The following PLD5 variants were observed in gnomAD, a reference collection of about 807,000 sequenced individuals.
PLD5 encodes the protein inactive phospholipase D5.
In PLD5, 36 loss-of-function variants were observed where a neutral mutation model predicts 61.1. The observed-to-expected ratio is 0.59, with a 90% CI of 0.45 to 0.78. The LOEUF (loss-of-function observed/expected upper bound fraction) is 0.78, where lower values mean the gene tolerates loss of function less well. Ranked by LOEUF, PLD5 falls within the 30% of genes least tolerant of loss-of-function variation. The probability of loss-of-function intolerance (pLI) is 0.00; values close to 1 mark genes in which losing one functional copy is unlikely to be tolerated. For missense variants in PLD5, 515 were observed against 644.4 expected (o/e 0.80, Z 2.17); for synonymous variants, 243 against 242.8 (o/e 1.00, Z -0.01).
chr1:242,312,471 C>G (rs983639229), intron 2 of PLD5, among the ~76,000 whole-genome samples: 1 of 152,038 alleles, frequency 6.6e-6, no homozygotes, highest in African/African-American at 2.4e-5. Context: ...AATAGTCTCG[C>G]CTTTGCTTCT....
intron 4 of PLD5, among the ~76,000 whole-genome samples, chr1:242,259,514 G>C (rs1673267451): frequency 6.6e-6 from 1 of 152,044 alleles, no homozygotes; most frequent in Non-Finnish European, 1.5e-5. Flanking sequence ...TAAATAATAA[G>C]AATGAGACTG....
intron 5 of PLD5, among the ~76,000 whole-genome samples, chr1:242,152,562 G>A (rs1665015203): frequency 6.6e-6 from 1 of 151,166 alleles, no homozygotes; most frequent in Non-Finnish European, 1.5e-5. Context: ...GTGTCCATGT[G>A]TTCTCATTGT....
chr1:242,315,161 AT>A (rs1558456535), intron 2 of PLD5, among the ~76,000 whole-genome samples: 1 of 152,156 alleles, frequency 6.6e-6, no homozygotes, highest in Non-Finnish European at 1.5e-5. Flanking sequence ...GCAGTGGGGA[AT>A]TTATGCTGTC....
intron 5 of PLD5, among the ~76,000 whole-genome samples, chr1:242,174,826 A>G (rs1197145758): frequency 6.6e-6 from 1 of 151,922 alleles, no homozygotes; most frequent in Admixed American, 6.6e-5. Context: ...GCATGTTCTC[A>G]CTCATAGGTG....
At chr1:242,297,709 G>A (rs1306978975) in intron 2 of PLD5, among the ~76,000 whole-genome samples, 2 of 143,566 alleles carry the variant, frequency 1.4e-5, no homozygotes, top group Admixed American at 7.1e-5. Flanking sequence ...GCGCAATCTC[G>A]GCTCACTGCA....
rs186690771 is a variant in PLD5, at chr1:242,239,434, C to G, written c.608-19319G>C. Among the ~76,000 whole-genome samples, 287 of 152,270 alleles carry G rather than the reference C, an allele frequency of 1.9e-3. 3 individuals carry two copies. Among genetic ancestry groups the G allele is most frequent in the Non-Finnish European group, 1.6e-3 (107 of 68,012 alleles). On this transcript the variant is annotated intron_variant, in intron 4 of 9. Transcript: ENST00000536534. ...TTTTAAAGCCCGTTAACACTAAGTG[C>G]TTTATTTTATAACCATCGGAATTAT...
At chr1:242,397,356 T>TTC (rs370609424) in intron 1 of PLD5, among the ~76,000 whole-genome samples, 10 of 151,588 alleles carry the variant, frequency 6.6e-5, no homozygotes, top group Non-Finnish European at 1.3e-4. Context: ...GTTTTTTTTT[T>TTC]CCTCATATTT....
rs1431950827 is a variant in PLD5, at chr1:242,107,850, C to G, written c.1071-11G>C. On this transcript the variant is annotated splice_polypyrimidine_tract_variant and intron_variant, in intron 7 of 9. Coordinates refer to ENST00000536534, the MANE Select transcript of PLD5 (RefSeq NM_001372062.1). The stretch of plus-strand genomic sequence containing the variant: ...TCTGGCCAGTAAGTCCTGCAGAAAT[C>G]ATATCCAAATAGAAAAAATAAACTA... 6.4e-7 allele frequency: 1 copy of G among 1,573,260 alleles called. No homozygotes were observed. The highest frequency in any genetic ancestry group is 1.4e-5 in the African/African-American group (1 of 72,670).
chr1:242,235,726 G>A (rs903103265), intron 4 of PLD5: 1 of 152,202 alleles, frequency 6.6e-6, no homozygotes, highest in African/African-American at 2.4e-5. Context: ...TCTTGAAGCT[G>A]TTGGTGTCCA....
At chr1:242,207,614 T>C (rs1669404641) in intron 5 of PLD5, among the ~76,000 whole-genome samples, 1 of 151,072 alleles carries the variant, frequency 6.6e-6, no homozygotes, top group Non-Finnish European at 1.5e-5. Flanking sequence ...TTTTTCCCAC[T>C]CTATTCAACA....
At chr1:242,269,757 G>T (rs1673942697) in intron 3 of PLD5, among the ~76,000 whole-genome samples, 1 of 152,138 alleles carries the variant, frequency 6.6e-6, no homozygotes, top group African/African-American at 2.4e-5. Context: ...CTGTTATACA[G>T]GTAAGAGCCT....
intron 1 of PLD5, among the ~76,000 whole-genome samples, chr1:242,414,171 T>C (rs1572100866): frequency 6.6e-6 from 1 of 152,190 alleles, no homozygotes; most frequent in African/African-American, 2.4e-5. Flanking sequence ...ATTGGGATTA[T>C]GTGCTGATTA....
rs749049147 is a variant in PLD5 at position 242,113,926 on chromosome 1, A to G, written c.1034T>C (p.Met345Thr). The G allele has an allele frequency of 1.2e-6, 2 of 1,613,658 alleles. No homozygotes were observed. The highest frequency in any genetic ancestry group is 1.7e-5 in the Admixed American group (1 of 59,906). Residue 345 changes from methionine to threonine, a missense_variant, in exon 7 of 10, where the codon ATG (methionine) becomes ACG (threonine). Physicochemically the swap from Met to Thr is moderately conservative, Grantham distance 81. Coordinates refer to ENST00000536534, the MANE Select transcript of PLD5 (RefSeq NM_001372062.1). ...DAKQYVYIAV[M>T]DYLPISSTST... is the part of the protein sequence containing the mutation. The stretch of plus-strand genomic sequence containing the variant: ...TGTGCTGGAGATAGGCAGGTAGTCC[A>G]TGACAGCGATGTACACATACTGCTT...
chr1:242,526,066 G>A (rs1394653952), upstream of PLD5, among the ~76,000 whole-genome samples: 2 of 152,160 alleles, frequency 1.3e-5, no homozygotes. Flanking sequence ...AAGTGAAGCA[G>A]AAGCAGAAAT....
At chr1:242,482,662 A>C (rs1407158241) in intron 1 of PLD5, among the ~76,000 whole-genome samples, 8 of 152,356 alleles carry the variant, frequency 5.3e-5, no homozygotes, top group African/African-American at 1.9e-4. Context: ...GAACTTCCCC[A>C]ACCTAGCAAG....
intron 3 of PLD5, among the ~76,000 whole-genome samples, chr1:242,278,806 ACAT>A (rs1280188599): frequency 4.6e-5 from 7 of 152,244 alleles, no homozygotes; most frequent in African/African-American, 1.7e-4. Context: ...GGCACATTTA[ACAT>A]CATTTTGTTG....
intron 2 of PLD5, among the ~76,000 whole-genome samples, chr1:242,330,253 C>A (rs1659088657): frequency 6.6e-6 from 1 of 152,166 alleles, no homozygotes; most frequent in Admixed American, 6.5e-5. Flanking sequence ...TGTTTAATGG[C>A]TCCCAGTTAG....
At chr1:242,527,053 T>G (rs1051823126), upstream of PLD5, among the ~76,000 whole-genome samples, 4 of 150,904 alleles carry the variant, frequency 2.7e-5, no homozygotes, top group Non-Finnish European at 5.9e-5. Context: ...AATAGATTTT[T>G]TTTAAACTAT....
Position 242,394,081 on chromosome 1 carries a change from AGTATATATAT to A in PLD5, c.190-45849_190-45840del, listed in dbSNP as rs1164498675. 4.9e-5 allele frequency among the ~76,000 whole-genome samples: 7 copies of A among 141,748 alleles called. 1 individual carries two copies. In the Admixed American group the frequency reaches 5.2e-4, roughly 11 times the overall value. 93.0% of individuals were successfully genotyped at this position (141,748 alleles called of 152,430 possible). A position where few individuals can be genotyped will look rare whatever the true frequency, so the allele number is the denominator to read the frequency against. ...TCAAAAAAAAACATATATATATATG[AGTATATATAT>A]GTATATATGTGTATATATATGAGTA... On this transcript the variant is annotated intron_variant, in intron 1 of 9. Transcript: ENST00000536534.
Sources: allele counts gnomAD v4.1 joint callset (sites outside exome capture counted in the v4.1 genomes callset), GRCh38; gene constraint gnomAD v4.1.1; transcripts MANE v1.5; gene names NCBI Gene and HGNC (gene_info 2026-07-23, HGNC 2026-07-21).